STRC: variants seen among roughly 807,000 people sequenced by gnomAD.
STRC encodes the protein stereocilin.
In STRC, 43 loss-of-function variants were observed where a neutral mutation model predicts 103.5. The observed-to-expected ratio is 0.42, with a 90% CI of 0.33 to 0.54. STRC has a LOEUF of 0.54. STRC is among the 20% of genes least tolerant of loss of function. STRC has a pLI of 0.14. For synonymous variants in STRC, 186 were observed against 442.3 expected (o/e 0.42, Z 7.27); for missense variants, 499 against 1,088.5 (o/e 0.46, Z 7.62).
intron 16 of STRC, among the ~76,000 whole-genome samples, chr15:43,608,726 A>G (rs1240738187): frequency 1.2e-4 from 9 of 74,222 alleles, no homozygotes; most frequent in African/African-American, 5.9e-4. Flanking sequence ...ACTGTCTCGA[A>G]AAAAAAAAAA....
intron 23 of STRC, chr15:43,602,795 C>A: frequency 4.3e-6 from 1 of 232,304 alleles, no homozygotes; most frequent in Non-Finnish European, 8.6e-6. Flanking sequence ...CAAGTGTGCA[C>A]CACCATGCCC....
At position 43,606,464 on chromosome 15, in the gene STRC, G is replaced by A. The variant is rs912382126; in HGVS notation, c.3795-1065C>T. Among the ~76,000 whole-genome samples, 11 of 149,918 alleles carry A rather than the reference G, an allele frequency of 7.3e-5. No individual in the cohort carries two copies. In the East Asian group the frequency reaches 2.2e-3, roughly 30 times the overall value. ...AAAATGCAAAAATTAGCCGGGTGTG[G>A]TGGCACGCGCCTGTAATCCCAGCTA... On this transcript the variant is annotated intron_variant, in intron 18 of 28. Transcript: ENST00000450892.
intron 18 of STRC, among the ~76,000 whole-genome samples, chr15:43,606,641 T>C: frequency 8.4e-6 from 1 of 118,454 alleles, no homozygotes; most frequent in Admixed American, 8.9e-5. Context: ...TAAATCCCTT[T>C]TACCCGAAAT....
chr15:43,607,947 C>T lies in STRC; in HGVS notation c.3710G>A (p.Arg1237Gln), dbSNP rs768089946. The part of the protein sequence containing the change: ...LRACIWAELQ[R>Q]RMAMPEPEWT... ...TTCTGGTTCTGGCATTGCCATCCTC[C>T]GCTGTAGCTCTGCCCAGATACAGGC... The change falls in exon 18 of 29, where the codon CGG (arginine) becomes CAG (glutamine). Residue 1237 changes from arginine to glutamine, a missense_variant. Transcript: ENST00000450892. 6.8e-5 allele frequency: 110 copies of T among 1,609,118 alleles called. 5 individuals are homozygous for T. The South Asian group carries it at 7.6e-4, about 11-fold the overall frequency.
chr15:43,602,837 G>A (rs548614430), intron 23 of STRC, among the ~76,000 whole-genome samples: 9 of 151,494 alleles, frequency 5.9e-5, no homozygotes, highest in Non-Finnish European at 7.4e-5. Context: ...AGTAGAGACC[G>A]TGTTTCGCCG....
At chr15:43,605,482 G>A (rs1271706884) in intron 18 of STRC, 83 bp from the exon 19 acceptor site, 7 of 1,548,326 alleles carry the variant, frequency 4.5e-6, no homozygotes, top group African/African-American at 1.4e-5. Flanking sequence ...ACAGTCCGCA[G>A]CTAAGATGTG....
At position 43,603,414 on chromosome 15, in the gene STRC, G is replaced by A; in HGVS notation, c.4376-3C>T. Reference sequence around the variant, plus strand: ...ATCTGCACAATTTGGCACAGGTTCTGAAGGGGGAAGGCAGGGCCAGGAGGT... The same window carrying A: ...ATCTGCACAATTTGGCACAGGTTCTAAAGGGGGAAGGCAGGGCCAGGAGGT... On this transcript the variant is annotated splice_polypyrimidine_tract_variant and splice_region_variant and intron_variant, in intron 22 of 28. Transcript: ENST00000450892. 1.2e-6 allele frequency: 2 copies of A among 1,613,076 alleles called. No individual in the cohort carries two copies. The highest frequency in any genetic ancestry group is 2.2e-5 in the East Asian group (1 of 44,878).
intron 15 of STRC, chr15:43,609,584 T>C: frequency 1.9e-6 from 1 of 516,572 alleles, no homozygotes; most frequent in Non-Finnish European, 3.5e-6. Context: ...GTGCAGTGGC[T>C]CAGGTCTGTA....
chr15:43,603,249 G>C lies in STRC; in HGVS notation c.4538C>G (p.Ala1513Gly). 1 of 1,613,432 alleles carries C rather than the reference G, an allele frequency of 6.2e-7. No homozygotes were observed. Among genetic ancestry groups the C allele is most frequent in the Non-Finnish European group, 8.5e-7 (1 of 1,179,738 alleles). ...TGGCTCTCCATCCCTAACCTGTTTT[G>C]CTTTGCCCATGGCTGCCCGCAGTTC... ...PEELRAAMGK[A>G]KQLWGPPRGF... Residue 1513 changes from alanine to glycine, a missense_variant, in exon 23 of 29, where the codon GCA (alanine) becomes GGA (glycine). Physicochemically the swap from Ala to Gly is moderately conservative, Grantham distance 60 (BLOSUM62 0). Transcript: ENST00000450892.
At chr15:43,602,358 A>G (rs1052964197) in intron 23 of STRC, among the ~76,000 whole-genome samples, 12 of 151,490 alleles carry the variant, frequency 7.9e-5, no homozygotes, top group African/African-American at 2.9e-4. Flanking sequence ...TGTTTTTTCT[A>G]TTTTTAGTAG....
chr15:43,604,339 T>A, intron 21 of STRC, 22 bp downstream of exon 21: 1 of 1,567,662 alleles, frequency 6.4e-7, no homozygotes, highest in Non-Finnish European at 8.7e-7. Context: ...ATTTACTCCC[T>A]TCCCTTCTTC....
intron 23 of STRC, among the ~76,000 whole-genome samples, chr15:43,602,918 T>A (rs1375214846): frequency 6.6e-6 from 1 of 151,704 alleles, no homozygotes; most frequent in Admixed American, 6.6e-5. Flanking sequence ...GTTCTGAGAT[T>A]ATAGGCGTGA....
At chr15:43,609,503 G>T in intron 15 of STRC, 169 bp from the exon 16 acceptor site, 2 of 652,562 alleles carry the variant, frequency 3.1e-6, no homozygotes, top group Non-Finnish European at 5.5e-6. Flanking sequence ...GAGTGAGAAA[G>T]AAATGAAAGA....
At chr15:43,602,992 A>C (rs1401402035) in intron 23 of STRC, among the ~76,000 whole-genome samples, 1 of 151,912 alleles carries the variant, frequency 6.6e-6, no homozygotes, top group African/African-American at 2.4e-5. Flanking sequence ...TAAAGAAAAA[A>C]ATCTGTTCCC....
At chr15:43,600,139 T>C in intron 27 of STRC, 32 bp from the exon 28 acceptor site, 3 of 1,598,516 alleles carry the variant, frequency 1.9e-6, no homozygotes, top group African/African-American at 1.4e-5. Context: ...AGTGCATGCA[T>C]GTAGTCCCCA....
At position 43,600,682 on chromosome 15, in the gene STRC, G is replaced by A. The variant is rs184909019; in HGVS notation, c.4845C>T (p.Ser1615=). ...ELQHISSWEF[S]QAALFLGTLH... ...GGGTGCCGAGGAAGAGAGCTGCTTG[G>A]CTGTAGAACAGTAGGAAGGAAGGAA... Residue 1615 remains serine (S), a splice_region_variant and synonymous_variant, in exon 26 of 29, where the codon AGC becomes AGT. Transcript: ENST00000450892. 116 of 1,613,434 alleles carry A rather than the reference G, an allele frequency of 7.2e-5. 3 individuals are homozygous for A. The East Asian group carries it at 2.5e-3, about 34-fold the overall frequency.
At position 43,609,341 on chromosome 15, in the gene STRC, G is replaced by A. The variant is rs758854394; in HGVS notation, c.3499-7C>T. 2 of 1,607,452 alleles carry A rather than the reference G, an allele frequency of 1.2e-6. No individual in the cohort carries two copies. The highest frequency in any genetic ancestry group is 1.7e-5 in the Admixed American group (1 of 59,832). ...TCTTCCAGAGAAACTGTGCCTACAA[G>A]AGAAAGAAAGACGAGCCCCTTCCCA... On this transcript the variant is annotated splice_polypyrimidine_tract_variant and splice_region_variant and intron_variant, in intron 15 of 28. Coordinates refer to ENST00000450892, the MANE Select transcript of STRC (RefSeq NM_153700.2).
At position 43,618,648 on chromosome 15, in the gene STRC, GTTC is replaced by G; in HGVS notation, c.64+8_64+10del. Reference sequence around the variant, plus strand: ...CTCCTCATCCCCAGTTCTGCTCACTGTTCTTCTTACCTGCAAAGGACAGCAGCA... The same window carrying G: ...CTCCTCATCCCCAGTTCTGCTCACTGTTCTTACCTGCAAAGGACAGCAGCA... On this transcript the variant is annotated splice_region_variant and intron_variant, in intron 1 of 28. Coordinates refer to ENST00000450892, the MANE Select transcript of STRC (RefSeq NM_153700.2). 1 of 46,598 alleles carries G rather than the reference GTTC, an allele frequency of 2.1e-5. No homozygotes were observed. The highest frequency in any genetic ancestry group is 6.2e-4 in the African/African-American group (1 of 1,612). 2.9% of individuals were successfully genotyped at this position (46,598 alleles called of 1,614,324 possible). A position where few individuals can be genotyped will look rare whatever the true frequency, so the allele number is the denominator to read the frequency against.
intron 15 of STRC, chr15:43,609,652 C>G: frequency 2.5e-6 from 1 of 399,064 alleles, no homozygotes. Context: ...GAGTTCAAGA[C>G]CAATCTGGAC....
Sources: gnomAD v4.1 joint callset for allele counts (sites outside exome capture counted in the v4.1 genomes callset) on GRCh38, gnomAD v4.1.1 for gene constraint, MANE v1.5 for transcripts, NCBI Gene and HGNC (gene_info 2026-07-23, HGNC 2026-07-21) for gene names.